Variants in DPP6 observed in about 807,000 individuals in gnomAD.
DPP6 encodes the protein A-type potassium channel modulatory protein DPP6.
DPP6 carries 69 observed loss-of-function variants against 122.6 expected under a neutral mutation model. The ratio of observed to expected loss-of-function variants is 0.56; its 90% confidence interval spans 0.46 to 0.69. The LOEUF is 0.69. DPP6 is among the 30% of genes least tolerant of loss of function. The probability of loss-of-function intolerance (pLI) is 0.00; values close to 1 mark genes in which losing one functional copy is unlikely to be tolerated. For synonymous variants in DPP6, 418 were observed against 433.1 expected, an observed-to-expected ratio of 0.97 and a Z score of 0.43; for missense variants, 928 against 1,116.9, an observed-to-expected ratio of 0.83 and a Z score of 2.41.
At chr7:154,550,455 A>G (rs1454530029) in intron 4 of DPP6, among the ~76,000 whole-genome samples, 6 of 152,318 alleles carry the variant, frequency 3.9e-5, no homozygotes, top group Non-Finnish European at 4.4e-5. Context: ...GCAGAGACAA[A>G]TATAAAATTG....
At chr7:154,327,030 AAG>A (rs1325911480) in intron 1 of DPP6, among the ~76,000 whole-genome samples, 3 of 152,030 alleles carry the variant, frequency 2.0e-5, no homozygotes, top group Non-Finnish European at 4.4e-5. Flanking sequence ...TTAGACAGAT[AAG>A]AGAGACGCCT....
intron 1 of DPP6, among the ~76,000 whole-genome samples, chr7:154,417,420 G>C (rs1168750478): frequency 6.6e-6 from 1 of 152,172 alleles, no homozygotes; most frequent in Admixed American, 6.5e-5. Context: ...TAATGCCTGA[G>C]ACTTTCTAAA....
At chr7:154,024,457 C>G (rs1335614943) in intron 1 of DPP6, among the ~76,000 whole-genome samples, 1 of 151,452 alleles carries the variant, frequency 6.6e-6, no homozygotes, top group African/African-American at 2.4e-5. Context: ...CCTGTTATGT[C>G]AATGCTCACT....
chr7:154,396,081 T>G (rs181135251), intron 1 of DPP6, among the ~76,000 whole-genome samples: 30 of 152,362 alleles, frequency 2.0e-4, no homozygotes, highest in African/African-American at 7.2e-4. Flanking sequence ...CGAATTGTTA[T>G]TTTTGAATTG....
upstream of DPP6, among the ~76,000 whole-genome samples, chr7:153,884,524 C>G (rs961582238): frequency 7.2e-5 from 11 of 152,208 alleles, no homozygotes; most frequent in Non-Finnish European, 8.8e-5. Flanking sequence ...CATCCCATTA[C>G]TGGGTATATA....
intron 1 of DPP6, among the ~76,000 whole-genome samples, chr7:154,144,754 A>C (rs1796008925): frequency 6.6e-6 from 1 of 152,004 alleles, no homozygotes; most frequent in Non-Finnish European, 1.5e-5. Context: ...TGGGGCCCTA[A>C]TCCAACAAAA....
intron 6 of DPP6, among the ~76,000 whole-genome samples, chr7:154,643,303 C>T (rs1836225472): frequency 6.6e-6 from 1 of 151,950 alleles, no homozygotes; most frequent in Non-Finnish European, 1.5e-5. Context: ...TGTTTTGCCT[C>T]CAATGGAAGC....
chr7:154,830,462 A>G (rs1718268474), intron 16 of DPP6, among the ~76,000 whole-genome samples: 1 of 152,252 alleles, frequency 6.6e-6, no homozygotes, highest in African/African-American at 2.4e-5. Context: ...AGATAAGTAG[A>G]GCTGTATAAA....
Position 154,881,064 on chromosome 7 carries a change from A to T in DPP6, c.2133+122A>T, listed in dbSNP as rs1312534406. ...TCTGCTGGTGAGCAAGTAATTTTTT[A>T]AAATCAAGAGCCTGGGTGCTTAGTG... On this transcript the variant is annotated intron_variant, in intron 21 of 25. Coordinates refer to ENST00000377770, the MANE Select transcript of DPP6 (RefSeq NM_130797.4). 1.1e-5 allele frequency: 16 copies of T among 1,394,908 alleles called. No individual in the cohort carries two copies. The Admixed American group carries it at 3.6e-4, about 31-fold the overall frequency. The allele number at this position is 1,394,908 out of a possible 1,614,324, so 86.4% of individuals were successfully genotyped here.
At chr7:154,303,236 C>A (rs2150983023) in intron 1 of DPP6, among the ~76,000 whole-genome samples, 1 of 152,310 alleles carries the variant, frequency 6.6e-6, no homozygotes, top group Non-Finnish European at 1.5e-5. Context: ...CGCTGGTCTA[C>A]TTTAAGGCAG....
At chr7:153,851,552 C>T in the DPP6 span, among the ~76,000 whole-genome samples, 2 of 152,038 alleles carry the variant, frequency 1.3e-5, no homozygotes, top group South Asian at 2.1e-4. Context: ...TTGTAACTTT[C>T]AAGCATTTTC....
At chr7:154,822,671 C>T (rs1017844315) in intron 16 of DPP6, among the ~76,000 whole-genome samples, 2 of 152,112 alleles carry the variant, frequency 1.3e-5, no homozygotes, top group African/African-American at 2.4e-5. Context: ...GTCAGCCCCC[C>T]GCCCCCAACG....
At chr7:154,694,117 C>T (rs944902555) in intron 7 of DPP6, among the ~76,000 whole-genome samples, 1 of 152,182 alleles carries the variant, frequency 6.6e-6, no homozygotes, top group African/African-American at 2.4e-5. Context: ...CTGCCTTCTT[C>T]TGTGTCCTCG....
At chr7:153,910,386 C>A (rs1343128961) in intron 1 of DPP6, among the ~76,000 whole-genome samples, 2 of 152,038 alleles carry the variant, frequency 1.3e-5, no homozygotes, top group South Asian at 2.1e-4. Flanking sequence ...CGAGCCCACA[C>A]CCAGATAATT....
chr7:153,877,203 G>C, the DPP6 span, among the ~76,000 whole-genome samples: 2 of 151,762 alleles, frequency 1.3e-5, no homozygotes, highest in African/African-American at 4.8e-5. Context: ...CTAACATTTT[G>C]AGTTTTTAAA....
chr7:154,389,696 T>A (rs1173345619), intron 1 of DPP6, among the ~76,000 whole-genome samples: 1 of 139,762 alleles, frequency 7.2e-6, no homozygotes, highest in African/African-American at 2.4e-5. Context: ...CAACATAGTA[T>A]ACTAATTTTC....
chr7:153,827,055 C>T, the DPP6 span, among the ~76,000 whole-genome samples: 1 of 151,228 alleles, frequency 6.6e-6, no homozygotes, highest in African/African-American at 2.4e-5. Context: ...TGTTGAAGAC[C>T]ATGTTTGAAA....
At chr7:154,327,419 A>G (rs1808540262) in intron 1 of DPP6, among the ~76,000 whole-genome samples, 1 of 152,260 alleles carries the variant, frequency 6.6e-6, no homozygotes, top group East Asian at 1.9e-4. Context: ...ATATATATTG[A>G]TGAAGAATTA....
At chr7:153,910,617 T>G (rs1014204194) in intron 1 of DPP6, among the ~76,000 whole-genome samples, 8 of 152,080 alleles carry the variant, frequency 5.3e-5, no homozygotes, top group Non-Finnish European at 1.0e-4. Context: ...TTACACCAAA[T>G]TTCCCCCAGA....
Sources: gnomAD v4.1 joint callset for allele counts (sites outside exome capture counted in the v4.1 genomes callset) on GRCh38, gnomAD v4.1.1 for gene constraint, MANE v1.5 for transcripts, NCBI Gene and HGNC (gene_info 2026-07-23, HGNC 2026-07-21) for gene names.